Variants in RAET1E observed in about 807,000 individuals in gnomAD.
RAET1E encodes the protein NKG2D ligand 4.
In RAET1E, 27 loss-of-function variants were observed where a neutral mutation model predicts 21.1. That is an observed-to-expected ratio of 1.28 (90% CI 0.94 to 1.76). The LOEUF is 1.76. Ranked by LOEUF, RAET1E falls within the 40% of genes most tolerant of loss-of-function variation. RAET1E has a pLI of 0.00. For missense variants in RAET1E, 310 were observed against 311.3 expected (o/e 1.00, Z 0.03); for synonymous variants, 113 against 115.0 (o/e 0.98, Z 0.11).
chr6:149,890,313 T>C, intron 3 of RAET1E, 168 bp from the exon 4 acceptor site: 1 of 691,060 alleles, frequency 1.4e-6, no homozygotes, highest in South Asian at 1.9e-5. Context: ...TCTCCCTGAC[T>C]GTCTGGGATG....
In RAET1E at chr6:149,887,652, T is replaced by G. The variant is rs1777667090; in HGVS notation, c.*846A>C. Among the ~76,000 whole-genome samples the G allele has an allele frequency of 6.6e-6, 1 of 152,194 alleles. No homozygotes were observed. On this transcript the variant is annotated 3_prime_UTR_variant, in exon 6 of 6. Coordinates refer to ENST00000357183, the MANE Select transcript of RAET1E (RefSeq NM_001394057.1). ...TCAGTGAGTCAGATGGAGTAGCCTA[T>G]TTTTCTCATTAGAGGGAATCCTAAC...
chr6:149,889,826 GT>G (rs1211256815), intron 4 of RAET1E, 58 bp downstream of exon 4: 1 of 1,577,828 alleles, frequency 6.3e-7, no homozygotes, highest in East Asian at 2.2e-5. Flanking sequence ...CCCCATCTGT[GT>G]TCTTCCCTCC....
Position 149,888,683 on chromosome 6 carries a change from A to G in RAET1E, c.623-16T>C, listed in dbSNP as rs567562530. ...ACTGGTGACACTAAAAAAAAAAAAAAAAAGAAAAAAAAGCACAAGCCCTGT... is the reference window on the plus strand; with the variant it reads ...ACTGGTGACACTAAAAAAAAAAAAAGAAAGAAAAAAAAGCACAAGCCCTGT... On this transcript the variant is annotated splice_polypyrimidine_tract_variant and intron_variant, in intron 5 of 5. Transcript: ENST00000357183. The G allele has an allele frequency of 5.8e-6, 9 of 1,555,460 alleles. No individual in the cohort carries two copies. The South Asian group carries it at 6.1e-5, about 11-fold the overall frequency.
In RAET1E at chr6:149,886,952, C is replaced by G. The variant is rs2115488937; in HGVS notation, c.*1546G>C. ...AAATCCATGCGACACAGTGGGGAGG[C>G]CCTCCCCAAAGGGTGGCAGATATAT... On this transcript the variant is annotated 3_prime_UTR_variant, in exon 6 of 6. Coordinates refer to ENST00000357183, the MANE Select transcript of RAET1E (RefSeq NM_001394057.1). Among the ~76,000 whole-genome samples the G allele has an allele frequency of 6.6e-6, 1 of 152,290 alleles. No homozygotes were observed. The highest frequency in any genetic ancestry group is 1.9e-4 in the East Asian group (1 of 5,178).
chr6:149,888,718 A>T, intron 5 of RAET1E, 51 bp from the exon 6 acceptor site: 1 of 1,548,510 alleles, frequency 6.5e-7, no homozygotes, highest in Non-Finnish European at 8.6e-7. Flanking sequence ...TCACATAAAA[A>T]AAAAAAGCAT....
At chr6:149,897,328 C>T (rs1249257531) in intron 1 of RAET1E, among the ~76,000 whole-genome samples, 3 of 152,296 alleles carry the variant, frequency 2.0e-5, no homozygotes, top group African/African-American at 7.2e-5. Context: ...AGCCACCACA[C>T]CCGGCTGAAA....
Position 149,888,400 on chromosome 6 carries a change from A to T in RAET1E, c.*98T>A, listed in dbSNP as rs1777704045. ...GCCCTGCTGTGTAGTGTGGGGGCTCAAGACTAAGGCAGTGCACCATTTCTG... is the reference window on the plus strand; with the variant it reads ...GCCCTGCTGTGTAGTGTGGGGGCTCTAGACTAAGGCAGTGCACCATTTCTG... On this transcript the variant is annotated 3_prime_UTR_variant, in exon 6 of 6. Coordinates refer to ENST00000357183, the MANE Select transcript of RAET1E (RefSeq NM_001394057.1). The T allele has an allele frequency of 6.9e-7, 1 of 1,450,218 alleles. No homozygotes were observed. Among genetic ancestry groups the T allele is most frequent in the South Asian group, 1.3e-5 (1 of 78,722 alleles). The allele number at this position is 1,450,218 out of a possible 1,614,324, so 89.8% of individuals were successfully genotyped here. A position where few individuals can be genotyped will look rare whatever the true frequency, so the allele number is the denominator to read the frequency against.
chr6:149,890,013 G>T lies in RAET1E; in HGVS notation c.218C>A (p.Pro73His), dbSNP rs952892548. 7 of 1,614,152 alleles carry T rather than the reference G, an allele frequency of 4.3e-6. No individual in the cohort carries two copies. The highest frequency in any genetic ancestry group is 5.1e-6 in the Non-Finnish European group (6 of 1,180,036). ...QYNSDNNMVK[P>H]LGLLGKKVYA... ...TACCTTCTTCCCCAGGAGGCCCAGAGGTTTGACCATGTTGTTGTCACTGTT... is the reference window on the plus strand; with the variant it reads ...TACCTTCTTCCCCAGGAGGCCCAGATGTTTGACCATGTTGTTGTCACTGTT... Residue 73 changes from proline (P) to histidine (H), a missense_variant, in exon 4 of 6, where the codon CCT becomes CAT. Pro to His is a moderately conservative substitution (Grantham distance 77). Coordinates refer to ENST00000357183, the MANE Select transcript of RAET1E (RefSeq NM_001394057.1).
chr6:149,885,106 T>C lies in RAET1E; in HGVS notation c.*3392A>G, dbSNP rs537701268. On this transcript the variant is annotated 3_prime_UTR_variant, in exon 6 of 6. Coordinates refer to ENST00000357183, the MANE Select transcript of RAET1E (RefSeq NM_001394057.1). ...ACCCCTCAACCTTTGGCATGTGATA[T>C]ACTTTCCCATGGTCAGATGGTCAGA... 6.6e-6 allele frequency among the ~76,000 whole-genome samples: 1 copy of C among 152,298 alleles called. No homozygotes were observed. The highest frequency in any genetic ancestry group is 1.9e-4 in the East Asian group (1 of 5,176).
chr6:149,888,587 G>A lies in RAET1E; in HGVS notation c.703C>T (p.Leu235=). 6.2e-7 allele frequency: 1 copy of A among 1,611,610 alleles called. No individual in the cohort carries two copies. The highest frequency in any genetic ancestry group is 8.5e-7 in the Non-Finnish European group (1 of 1,179,800). ...AGAACAATTCCCATTAAAACTAACA[G>A]GATGAATGCCCCCAGGATGATCCAT... is the stretch of plus-strand genomic sequence containing the variant. ...DRWIILGAFI[L]LVLMGIVLIC... is the part of the protein sequence containing the mutation. Residue 235 remains leucine (L), a synonymous_variant, in exon 6 of 6, where the codon CTG becomes TTG. Transcript: ENST00000357183.
Position 149,888,401 on chromosome 6 carries a change from A to G in RAET1E, c.*97T>C. On this transcript the variant is annotated 3_prime_UTR_variant, in exon 6 of 6. Coordinates refer to ENST00000357183, the MANE Select transcript of RAET1E (RefSeq NM_001394057.1). Reference sequence around the variant, plus strand: ...CCCTGCTGTGTAGTGTGGGGGCTCAAGACTAAGGCAGTGCACCATTTCTGT... The same window carrying G: ...CCCTGCTGTGTAGTGTGGGGGCTCAGGACTAAGGCAGTGCACCATTTCTGT... 1.4e-6 allele frequency: 2 copies of G among 1,454,568 alleles called. No individual in the cohort carries two copies. The highest frequency in any genetic ancestry group is 1.9e-6 in the Non-Finnish European group (2 of 1,059,702). 90.1% of individuals were successfully genotyped at this position (1,454,568 alleles called of 1,614,324 possible).
rs540602114 is a variant in RAET1E at position 149,886,937 on chromosome 6, G to A, written c.*1561C>T. Among the ~76,000 whole-genome samples, 185 of 152,266 alleles carry A rather than the reference G, an allele frequency of 1.2e-3. No individual in the cohort carries two copies. Among genetic ancestry groups the A allele is most frequent in the African/African-American group, 3.6e-3 (149 of 41,546 alleles). On this transcript the variant is annotated 3_prime_UTR_variant, in exon 6 of 6. Transcript: ENST00000357183. ...TTCCCCGTGACAGAGAAATCCATGC[G>A]ACACAGTGGGGAGGCCCTCCCCAAA...
In RAET1E at chr6:149,891,195, C is replaced by A. The variant is rs577154780; in HGVS notation, c.-133-161G>T. ...GTCCCTGCTGCCCCTGCAAAAAAAACCCCCTCTGGTGTGAGCAGGATGGTT... is the reference window on the plus strand; with the variant it reads ...GTCCCTGCTGCCCCTGCAAAAAAAAACCCCTCTGGTGTGAGCAGGATGGTT... On this transcript the variant is annotated intron_variant, in intron 2 of 5. Transcript: ENST00000357183. Among the ~76,000 whole-genome samples, 89 of 152,194 alleles carry A rather than the reference C, an allele frequency of 5.8e-4. No individual in the cohort carries two copies. The East Asian group carries it at 0.015, about 25-fold the overall frequency.
rs1186234275 is a variant in RAET1E at position 149,884,363 on chromosome 6, G to T, written c.*4135C>A. 8.8e-6 allele frequency: 8 copies of T among 911,652 alleles called. No homozygotes were observed. The highest frequency in any genetic ancestry group is 1.7e-6 in the Non-Finnish European group (1 of 585,718). 56.5% of individuals were successfully genotyped at this position (911,652 alleles called of 1,614,324 possible). On this transcript the variant is annotated 3_prime_UTR_variant, in exon 6 of 6. Coordinates refer to ENST00000357183, the MANE Select transcript of RAET1E (RefSeq NM_001394057.1). ...CTGTTGCCAAGACTGGAATGCAGAG[G>T]CGCGATCTCCGCTCATTGCAGGCTC...
At chr6:149,892,639 C>T (rs1274029231) in intron 2 of RAET1E, among the ~76,000 whole-genome samples, 1 of 152,142 alleles carries the variant, frequency 6.6e-6, no homozygotes, top group Non-Finnish European at 1.5e-5. Flanking sequence ...CAAAAATCTT[C>T]TCCCATTCTG....
At chr6:149,893,088 A>G (rs984019688) in intron 2 of RAET1E, among the ~76,000 whole-genome samples, 10 of 152,122 alleles carry the variant, frequency 6.6e-5, no homozygotes, top group African/African-American at 2.2e-4. Context: ...GCACCATGCT[A>G]TTTTGGTTAC....
In RAET1E at chr6:149,889,962, A is replaced by G; in HGVS notation, c.269T>C (p.Leu90Ser). 6.2e-7 allele frequency: 1 copy of G among 1,614,038 alleles called. No homozygotes were observed. Among genetic ancestry groups the G allele is most frequent in the East Asian group, 2.2e-5 (1 of 44,880 alleles). ...CCCCACTTCTCCCAGCGTTTGGGTCAATTCTCCCCAAGTGCTGGTGGCATA... is the reference window on the plus strand; with the variant it reads ...CCCCACTTCTCCCAGCGTTTGGGTCGATTCTCCCCAAGTGCTGGTGGCATA... ...KVYATSTWGE[L>S]TQTLGEVGRD... The change falls in exon 4 of 6, where the codon TTG (leucine) becomes TCG (serine). Residue 90 changes from leucine to serine, a missense_variant. Leu to Ser is a moderately radical substitution (Grantham distance 145, BLOSUM62 -2). Transcript: ENST00000357183.
In RAET1E at chr6:149,889,365, G is replaced by T. The variant is rs1777769699; in HGVS notation, c.605C>A (p.Ala202Glu). 4 of 1,613,990 alleles carry T rather than the reference G, an allele frequency of 2.5e-6. No homozygotes were observed. The highest frequency in any genetic ancestry group is 1.1e-5 in the South Asian group (1 of 91,088). Reference sequence around the variant, plus strand: ...TCAGTTACCTGTCGGTTCTGGCATTGCCTCCCAGTGCCCTAAGAATTCCCT... The same window carrying T: ...TCAGTTACCTGTCGGTTCTGGCATTTCCTCCCAGTGCCCTAAGAATTCCCT... ...WLREFLGHWE[A>E]MPEPTVSPVN... is the part of the protein sequence containing the mutation. Residue 202 changes from alanine (A) to glutamate (E), a missense_variant, in exon 5 of 6, where the codon GCA becomes GAA. Ala to Glu is a moderately radical substitution (Grantham distance 107, BLOSUM62 -1). Transcript: ENST00000357183.
At position 149,888,042 on chromosome 6, in the gene RAET1E, A is replaced by G. The variant is rs1374826099; in HGVS notation, c.*456T>C. ...CATGGAGAAACCCCATCTCTACTAAAAATGTAGGATGTAGTTCGGCACTGT... is the reference window on the plus strand; with the variant it reads ...CATGGAGAAACCCCATCTCTACTAAGAATGTAGGATGTAGTTCGGCACTGT... On this transcript the variant is annotated 3_prime_UTR_variant, in exon 6 of 6. Transcript: ENST00000357183. The G allele has an allele frequency of 2.7e-6, 1 of 373,784 alleles. No homozygotes were observed. Among genetic ancestry groups the G allele is most frequent in the Non-Finnish European group, 5.3e-6 (1 of 189,262 alleles). The allele number at this position is 373,784 out of a possible 1,614,324, so 23.2% of individuals were successfully genotyped here. A position where few individuals can be genotyped will look rare whatever the true frequency, so the allele number is the denominator to read the frequency against.
Sources: allele counts gnomAD v4.1 joint callset (sites outside exome capture counted in the v4.1 genomes callset), GRCh38; gene constraint gnomAD v4.1.1; transcripts MANE v1.5; gene names NCBI Gene and HGNC (gene_info 2026-07-23, HGNC 2026-07-21).